GPC3: variants seen among roughly 807,000 people sequenced by gnomAD.
GPC3 encodes the protein glypican 3, also known as glypican-3.
In GPC3, 3 loss-of-function variants were observed where a neutral mutation model predicts 34.4. The observed-to-expected ratio is 0.09, with a 90% CI of 0.04 to 0.23. The LOEUF (loss-of-function observed/expected upper bound fraction) is 0.23, where lower values mean the gene tolerates loss of function less well. Ranked by LOEUF, GPC3 falls within the 10% of genes least tolerant of loss-of-function variation. The pLI, the probability that GPC3 is intolerant of heterozygous loss-of-function variation, is 1.00. For missense variants in GPC3, 351 were observed against 445.6 expected (o/e 0.79, Z 1.91); for synonymous variants, 177 against 174.0 (o/e 1.02, Z -0.13).
Position 133,907,549 on chromosome X carries a change from AGTTT to A in GPC3, c.337+45497_337+45500del, listed in dbSNP as rs778441089. Among the ~76,000 whole-genome samples the A allele has an allele frequency of 1.6e-4, 18 of 112,206 alleles. No individual in the cohort carries two copies. In the South Asian group the frequency reaches 5.2e-3, roughly 33 times the overall value. On this transcript the variant is annotated intron_variant, in intron 2 of 7. Transcript: ENST00000370818. Reference sequence around the variant, plus strand: ...AGAATTTTATCTATGTACAGATTTCAGTTTGTTTGTTTTCACACAGTTATATCAT... The same window carrying A: ...AGAATTTTATCTATGTACAGATTTCAGTTTGTTTTCACACAGTTATATCAT...
In GPC3 at chrX:133,699,859, T is replaced by C. The variant is rs367676245; in HGVS notation, c.1166+36A>G. The C allele has an allele frequency of 7.7e-5, 89 of 1,154,626 alleles. No individual in the cohort carries two copies. The African/African-American group carries it at 1.1e-3, about 14-fold the overall frequency. ...TTTGACCTTAAAATACAATTGTTAA[T>C]TGTATTGTGGAATAAAGAAAAAAGA... On this transcript the variant is annotated intron_variant, in intron 4 of 7. Coordinates refer to ENST00000370818, the MANE Select transcript of GPC3 (RefSeq NM_004484.4).
chrX:133,646,363 A>G, intron 6 of GPC3, among the ~76,000 whole-genome samples: 1 of 112,348 alleles, frequency 8.9e-6, no homozygotes, highest in African/African-American at 3.2e-5. Context: ...CTGAAAGTAG[A>G]GAGGATCACA....
chrX:133,553,513 G>A (rs2069455655), intron 7 of GPC3, among the ~76,000 whole-genome samples: 1 of 111,922 alleles, frequency 8.9e-6, no homozygotes, highest in South Asian at 3.8e-4. Flanking sequence ...AGGAGGACAG[G>A]ACATAGGTTG....
At chrX:133,928,442 A>G (rs2076284591) in intron 2 of GPC3, among the ~76,000 whole-genome samples, 1 of 111,624 alleles carries the variant, frequency 9.0e-6, no homozygotes, top group African/African-American at 3.3e-5. Context: ...CGTGCTAAAA[A>G]TTGCTGGGAT....
intron 2 of GPC3, among the ~76,000 whole-genome samples, chrX:133,914,753 T>A (rs374236287): frequency 9.2e-6 from 1 of 108,836 alleles, no homozygotes; most frequent in East Asian, 2.9e-4. Context: ...CATTAAGTAA[T>A]GGTTTCATAT....
chrX:133,888,753 T>C (rs762812085), intron 2 of GPC3, among the ~76,000 whole-genome samples: 2 of 112,523 alleles, frequency 1.8e-5, no homozygotes, highest in East Asian at 5.6e-4. Context: ...TCCAACACTA[T>C]ATCCTGCCCA....
intron 1 of GPC3, among the ~76,000 whole-genome samples, chrX:133,954,610 A>C (rs1391836097): frequency 1.8e-5 from 2 of 110,655 alleles, no homozygotes; most frequent in Non-Finnish European, 3.8e-5. Flanking sequence ...GTTTGAGGAG[A>C]GATGAGGAAG....
intron 2 of GPC3, among the ~76,000 whole-genome samples, chrX:133,889,931 C>T (rs1403867976): frequency 9.6e-6 from 1 of 104,597 alleles, no homozygotes; most frequent in Non-Finnish European, 1.9e-5. Flanking sequence ...CACTGCCTCG[C>T]TAATTTTTTT....
At chrX:133,744,150 A>G (rs934737872) in intron 3 of GPC3, among the ~76,000 whole-genome samples, 1 of 112,206 alleles carries the variant, frequency 8.9e-6, no homozygotes, top group African/African-American at 3.2e-5. Flanking sequence ...AACAAAAGCC[A>G]AAATTGACAT....
At chrX:133,966,188 C>T (rs1003434619) in intron 1 of GPC3, among the ~76,000 whole-genome samples, 4 of 112,328 alleles carry the variant, frequency 3.6e-5, no homozygotes, top group African/African-American at 1.3e-4. Flanking sequence ...GCCTCATTCT[C>T]ACTGCTCAAA....
intron 2 of GPC3, among the ~76,000 whole-genome samples, chrX:133,755,221 A>G (rs749182767): frequency 9.8e-5 from 11 of 112,114 alleles, no homozygotes; most frequent in Non-Finnish European, 1.7e-4. Flanking sequence ...CCTTCCTTCC[A>G]TTTCCTTCCA....
At chrX:133,852,180 G>C (rs747070748) in intron 2 of GPC3, among the ~76,000 whole-genome samples, 1 of 111,716 alleles carries the variant, frequency 9.0e-6, no homozygotes, top group East Asian at 2.8e-4. Flanking sequence ...GCAAAACCAA[G>C]TCAAGATATT....
chrX:133,572,250 AAAG>A (rs2069640305), intron 7 of GPC3, among the ~76,000 whole-genome samples: 1 of 112,269 alleles, frequency 8.9e-6, no homozygotes, highest in Non-Finnish European at 1.9e-5. Flanking sequence ...AATATCAGTC[AAAG>A]AAGAAATCAC....
chrX:133,542,043 T>G (rs1348322833), intron 7 of GPC3, among the ~76,000 whole-genome samples: 1 of 112,014 alleles, frequency 8.9e-6, no homozygotes, highest in East Asian at 2.8e-4. Context: ...CTGTAATCAG[T>G]CTTCCACTTA....
chrX:133,944,602 A>G (rs1387235124), intron 2 of GPC3, among the ~76,000 whole-genome samples: 1 of 112,219 alleles, frequency 8.9e-6, no homozygotes, highest in Non-Finnish European at 1.9e-5. Context: ...CAAAAATGTT[A>G]CAAGTGGTTA....
At chrX:133,782,349 C>G (rs1380696136) in intron 2 of GPC3, among the ~76,000 whole-genome samples, 1 of 111,969 alleles carries the variant, frequency 8.9e-6, no homozygotes, top group Non-Finnish European at 1.9e-5. Context: ...TTAGAGTAAT[C>G]AAGCCTGAAA....
At chrX:133,923,462 A>G (rs908020194) in intron 2 of GPC3, among the ~76,000 whole-genome samples, 1 of 111,703 alleles carries the variant, frequency 9.0e-6, no homozygotes, top group African/African-American at 3.3e-5. Context: ...CCCATCCTGA[A>G]ATAGACGGTA....
intron 2 of GPC3, among the ~76,000 whole-genome samples, chrX:133,909,151 TA>T (rs773604330): frequency 2.2e-3 from 244 of 112,471 alleles, no homozygotes; most frequent in Non-Finnish European, 3.3e-3. Flanking sequence ...ATTTGTTAAA[TA>T]AACGAATATT....
At chrX:133,624,787 G>A (rs2070280170) in intron 6 of GPC3, among the ~76,000 whole-genome samples, 1 of 111,062 alleles carries the variant, frequency 9.0e-6, no homozygotes, top group African/African-American at 3.3e-5. Context: ...CAGAAAAAGA[G>A]GGAATCCTCC....
Sources: allele counts gnomAD v4.1 joint callset (sites outside exome capture counted in the v4.1 genomes callset), GRCh38; gene constraint gnomAD v4.1.1; transcripts MANE v1.5; gene names NCBI Gene and HGNC (gene_info 2026-07-23, HGNC 2026-07-21).